ANKRD36C: variants seen among roughly 807,000 people sequenced by gnomAD.
ANKRD36C encodes ankyrin repeat domain 36C, also known as ankyrin repeat domain-containing protein 36C.
In ANKRD36C, 61 loss-of-function variants were observed where a neutral mutation model predicts 276.4. That is an observed-to-expected ratio of 0.22 (90% CI 0.18 to 0.27). The LOEUF (loss-of-function observed/expected upper bound fraction) is 0.27, where lower values mean the gene tolerates loss of function less well. Ranked by LOEUF, ANKRD36C falls within the 10% of genes least tolerant of loss-of-function variation. ANKRD36C has a pLI of 1.00. For missense variants in ANKRD36C, 1,447 were observed against 2,032.3 expected, an observed-to-expected ratio of 0.71 and a Z score of 5.54; for synonymous variants, 483 against 680.1, an observed-to-expected ratio of 0.71 and a Z score of 4.51.
exon 63 of ANKRD36C, chr2:95,855,558 C>G (rs576521245): frequency 6.2e-7 from 1 of 1,611,254 alleles, no homozygotes; most frequent in African/African-American, 1.3e-5. Context: ...ATTGTATCCA[C>G]TTTTGTACAT....
rs947125611 is a variant in ANKRD36C, at chr2:95,891,563, C to A, written c.2857+102G>T. On this transcript the variant is annotated intron_variant, in intron 46 of 66. Transcript: ENST00000456556. ...ATGAAGAATCTCAGGACTGCTGTAT[C>A]AGAATGTGCAGCTTCAACGAACCCC... The A allele has an allele frequency of 8.7e-5, 119 of 1,371,768 alleles. 1 individual carries two copies. Among genetic ancestry groups the A allele is most frequent in the Non-Finnish European group, 1.1e-4 (114 of 1,009,838 alleles). 85.0% of individuals were successfully genotyped at this position (1,371,768 alleles called of 1,614,324 possible). A position where few individuals can be genotyped will look rare whatever the true frequency, so the allele number is the denominator to read the frequency against.
intron 20 of ANKRD36C, among the ~76,000 whole-genome samples, chr2:95,939,576 G>A (rs1177249001): frequency 8.0e-4 from 119 of 148,416 alleles, no homozygotes; most frequent in African/African-American, 3.1e-3. Flanking sequence ...GTGGTGGCAG[G>A]AGCCTGTAGT....
At position 95,958,623 on chromosome 2, in the gene ANKRD36C, GTGGC is replaced by G. The variant is rs1289275004; in HGVS notation, c.1069_1072del (p.Ala357GlnfsTer3). ...AGATTTTTGTTCATCTTTTATTTCT[GTGGC>G]TGTGTTCGAAACAGAATCGTTCTTG... is the stretch of plus-strand genomic sequence containing the variant. On this transcript the variant is annotated frameshift_variant, in exon 12 of 67. Transcript: ENST00000456556. LOFTEE classifies it high-confidence loss of function. 1.3e-6 allele frequency: 2 copies of G among 1,546,280 alleles called. No homozygotes were observed. Among genetic ancestry groups the G allele is most frequent in the Non-Finnish European group, 1.7e-6 (2 of 1,147,030 alleles).
At chr2:95,852,098 T>A (rs1675306638) in intron 65 of ANKRD36C, 28 bp downstream of exon 85, 1 of 1,590,614 alleles carries the variant, frequency 6.3e-7, no homozygotes, top group Non-Finnish European at 8.6e-7. Flanking sequence ...AATACTCAAG[T>A]TATTTTGTGT....
intron 14 of ANKRD36C, 22 bp from the exon 15 acceptor site, chr2:95,951,430 T>C: frequency 6.9e-7 from 1 of 1,450,106 alleles, no homozygotes; most frequent in Non-Finnish European, 9.4e-7. Context: ...ACACAATAGG[T>C]TTAAGAATAA....
At chr2:95,851,964 G>A (rs1467008652) in intron 65 of ANKRD36C, among the ~76,000 whole-genome samples, 162 bp downstream of exon 85, 1 of 152,096 alleles carries the variant, frequency 6.6e-6, no homozygotes, top group East Asian at 1.9e-4. Flanking sequence ...CAAAATTTAG[G>A]AATAATGTAG....
intron 1 of ANKRD36C, among the ~76,000 whole-genome samples, chr2:95,990,283 A>C (rs969622371): frequency 6.6e-6 from 1 of 152,238 alleles, no homozygotes; most frequent in Non-Finnish European, 1.5e-5. Flanking sequence ...TACTAATATG[A>C]AATGTCACCA....
chr2:95,986,758 C>A (rs1484359857), exon 3 of ANKRD36C: 3 of 1,611,362 alleles, frequency 1.9e-6, no homozygotes. Flanking sequence ...TACCTCGCTG[C>A]ATTCTTCAAT....
rs150569297 is a variant in ANKRD36C, at chr2:95,924,506, A to C, written c.2042-817T>G. On this transcript the variant is annotated intron_variant, in intron 30 of 66. Transcript: ENST00000456556. ...ATTTTAGGATTCAATTAATACATTT[A>C]ACATTATTTTTGTCTGCAAAATTAG... Among the ~76,000 whole-genome samples, 34 of 151,780 alleles carry C rather than the reference A, an allele frequency of 2.2e-4. No individual in the cohort carries two copies. In the East Asian group the frequency reaches 6.6e-3, roughly 30 times the overall value.
intron 42 of ANKRD36C, 69 bp from the exon 45 acceptor site, chr2:95,910,637 G>C: frequency 1.9e-6 from 3 of 1,597,602 alleles, no homozygotes; most frequent in African/African-American, 2.7e-5. Context: ...CATTCATGCA[G>C]CGTTAGCATC....
At chr2:95,910,640 T>A in intron 42 of ANKRD36C, 72 bp from the exon 45 acceptor site, 2 of 1,597,010 alleles carry the variant, frequency 1.3e-6, no homozygotes, top group Non-Finnish European at 1.7e-6. Context: ...TCATGCAGCG[T>A]TAGCATCAAA....
intron 12 of ANKRD36C, 28 bp downstream of exon 12, chr2:95,958,563 T>C (rs1246857622): frequency 5.2e-5 from 80 of 1,542,444 alleles, no homozygotes; most frequent in Non-Finnish European, 6.5e-5. Context: ...TCAGTGTACA[T>C]GGCATTAAAT....
At position 95,866,346 on chromosome 2, in the gene ANKRD36C, C is replaced by T. The variant is rs527608302; in HGVS notation, c.3682+1094G>A. The stretch of plus-strand genomic sequence containing the variant: ...AGATACTACAAAGCAAGTGAAAAGT[C>T]AACCCAAAAACTGGCAAAAATACCC... On this transcript the variant is annotated intron_variant, in intron 60 of 66. Transcript: ENST00000456556. 8.5e-5 allele frequency among the ~76,000 whole-genome samples: 13 copies of T among 152,268 alleles called. No homozygotes were observed. In the East Asian group the frequency reaches 2.5e-3, roughly 29 times the overall value.
chr2:95,984,873 T>C (rs565449938), intron 3 of ANKRD36C, among the ~76,000 whole-genome samples: 2 of 152,316 alleles, frequency 1.3e-5, no homozygotes, highest in African/African-American at 4.8e-5. Flanking sequence ...AATAATGACC[T>C]ATATGTATTC....
chr2:95,952,795 T>G (rs1678230938), intron 14 of ANKRD36C, among the ~76,000 whole-genome samples: 1 of 151,804 alleles, frequency 6.6e-6, no homozygotes, highest in African/African-American at 2.4e-5. Context: ...CATTCCATTA[T>G]GAGAAAGCCC....
chr2:95,893,393 G>T (rs369055484), intron 44 of ANKRD36C, 140 bp downstream of exon 64: 2 of 1,222,696 alleles, frequency 1.6e-6, no homozygotes, highest in African/African-American at 3.1e-5. Flanking sequence ...CATCACCCAA[G>T]AACTTACTAC....
rs553306141 is a variant in ANKRD36C at position 95,912,377 on chromosome 2, A to G, written c.2580+30T>C. The G allele has an allele frequency of 6.2e-6, 10 of 1,603,750 alleles. No homozygotes were observed. The East Asian group carries it at 2.0e-4, about 32-fold the overall frequency. ...ATGTTTCATAGGCTTTACGTTTACT[A>G]GCTCACAATATGAATGAGAGTTTCA... On this transcript the variant is annotated intron_variant, in intron 41 of 66. Coordinates refer to ENST00000456556, the Ensembl canonical transcript of ANKRD36C.
intron 60 of ANKRD36C, among the ~76,000 whole-genome samples, chr2:95,862,255 C>G (rs1384737657): frequency 1.3e-5 from 2 of 151,946 alleles, no homozygotes; most frequent in African/African-American, 4.8e-5. Context: ...GAACACTTAC[C>G]AAAATAGACC....
intron 36 of ANKRD36C, 76 bp from the exon 39 acceptor site, chr2:95,916,247 C>A: frequency 6.3e-7 from 1 of 1,586,640 alleles, no homozygotes; most frequent in South Asian, 1.1e-5. Flanking sequence ...ACAGTGTTAG[C>A]ATCAACCTCT....
Sources: gnomAD v4.1 joint callset for allele counts (sites outside exome capture counted in the v4.1 genomes callset) on GRCh38, gnomAD v4.1.1 for gene constraint, MANE v1.5 for transcripts, NCBI Gene and HGNC (gene_info 2026-07-23, HGNC 2026-07-21) for gene names.